The following PCDHGB4 variants were observed in gnomAD, a reference collection of about 807,000 sequenced individuals.
The protein encoded by PCDHGB4 is protocadherin gamma-B4.
PCDHGB4 carries 38 observed loss-of-function variants against 60.5 expected under a neutral mutation model. The observed-to-expected ratio is 0.63, with a 90% CI of 0.48 to 0.82. The LOEUF (loss-of-function observed/expected upper bound fraction) is 0.82, where lower values mean the gene tolerates loss of function less well. PCDHGB4 is among the 40% of genes least tolerant of loss of function. The pLI is 0.00. For missense variants in PCDHGB4, 1,109 were observed against 1,209.6 expected, an observed-to-expected ratio of 0.92 and a Z score of 1.23; for synonymous variants, 456 against 509.7, an observed-to-expected ratio of 0.89 and a Z score of 1.42.
chr5:141,389,519 C>T lies in PCDHGB4; in HGVS notation c.1635C>T (p.Ser545=). ...QGSPALSANV[S]LRVLVDDRND... ...CGCCAGCGCTCAGCGCGAACGTGAG[C>T]CTGCGCGTGTTAGTGGACGACCGCA... The change falls in exon 1 of 4, where the codon AGC becomes AGT. Residue 545 remains serine (S), a synonymous_variant. Transcript: ENST00000519479. The T allele has an allele frequency of 6.2e-7, 1 of 1,613,156 alleles. No homozygotes were observed. Among genetic ancestry groups the T allele is most frequent in the South Asian group, 1.1e-5 (1 of 91,060 alleles).
chr5:141,504,228 C>T lies in PCDHGB4; in HGVS notation c.2457-1165C>T, dbSNP rs114896014. Among the ~76,000 whole-genome samples, 193 of 152,312 alleles carry T rather than the reference C, an allele frequency of 1.3e-3. 1 individual carries two copies. The highest frequency in any genetic ancestry group is 2.1e-3 in the Admixed American group (32 of 15,304). ...AAAATTCCAAGTAGAGCTGAACCTT[C>T]TAAGAAGCAGAGAGTTCTTCTTATG... On this transcript the variant is annotated intron_variant, in intron 2 of 3. Coordinates refer to ENST00000519479, the MANE Select transcript of PCDHGB4 (RefSeq NM_003736.4).
At chr5:141,478,563 C>G (rs1484075735) in intron 1 of PCDHGB4, 16 of 1,596,154 alleles carry the variant, frequency 1.0e-5, no homozygotes, top group African/African-American at 1.3e-5. Context: ...TTTAGCAAGT[C>G]ATGCTTGACC....
At chr5:141,395,220 G>A (rs1331532806) in intron 1 of PCDHGB4, 1 of 1,611,732 alleles carries the variant, frequency 6.2e-7, no homozygotes, top group Non-Finnish European at 8.5e-7. Flanking sequence ...ATATAAGAAT[G>A]AAGCTGATCA....
rs1387036035 is a variant in PCDHGB4, at chr5:141,432,158, A to G, written c.2397+41877A>G. ...CGCTTATATCCCAGAGAACAATCCC[A>G]GAGGAGTTTCCCTCGTCTCTGTGAC... is the stretch of plus-strand genomic sequence containing the variant. On this transcript the variant is annotated intron_variant, in intron 1 of 3. Coordinates refer to ENST00000519479, the MANE Select transcript of PCDHGB4 (RefSeq NM_003736.4). The surrounding 1 kb of genome is among the most constrained non-coding windows in gnomAD (Gnocchi z 6.0). The G allele has an allele frequency of 6.2e-7, 1 of 1,613,932 alleles. No individual in the cohort carries two copies. Among genetic ancestry groups the G allele is most frequent in the Non-Finnish European group, 8.5e-7 (1 of 1,180,002 alleles).
At position 141,410,196 on chromosome 5, in the gene PCDHGB4, C is replaced by A. The variant is rs773310778; in HGVS notation, c.2397+19915C>A. 7.4e-6 allele frequency: 12 copies of A among 1,613,866 alleles called. No individual in the cohort carries two copies. In the South Asian group the frequency reaches 1.2e-4, roughly 16 times the overall value. On this transcript the variant is annotated intron_variant, in intron 1 of 3. Transcript: ENST00000519479. ...ACCGCCACGCTTCATCTGGTCTTCG[C>A]AGACAACTTGCAAGAGATACTGCCA... is the stretch of plus-strand genomic sequence containing the variant.
intron 1 of PCDHGB4, among the ~76,000 whole-genome samples, chr5:141,445,567 T>C (rs1465765772): frequency 6.6e-6 from 1 of 152,142 alleles, no homozygotes; most frequent in Admixed American, 6.5e-5. Context: ...AGAGAAAGCT[T>C]ATAGTAGGGA....
intron 1 of PCDHGB4, 33 bp from the exon 2 acceptor site, chr5:141,494,774 T>C (rs1462930792): frequency 6.2e-7 from 1 of 1,613,860 alleles, no homozygotes; most frequent in African/African-American, 1.3e-5. Flanking sequence ...TTCTCACGGG[T>C]ACTCAGCCCC....
rs1317150359 is a variant in PCDHGB4 at position 141,420,381 on chromosome 5, G to A, written c.2397+30100G>A. On this transcript the variant is annotated intron_variant, in intron 1 of 3. Transcript: ENST00000519479. ...TCTAGATAACTTCTTCATAGAGTTC[G>A]CAAAATATAGGTCAAATTTATGGTT... The A allele has an allele frequency of 1.1e-5, 14 of 1,298,362 alleles. No homozygotes were observed. In the Admixed American group the frequency reaches 1.3e-4, roughly 13 times the overall value. The allele number at this position is 1,298,362 out of a possible 1,614,324, so 80.4% of individuals were successfully genotyped here.
intron 1 of PCDHGB4, among the ~76,000 whole-genome samples, chr5:141,465,592 A>G (rs1485357197): frequency 6.6e-6 from 1 of 152,046 alleles, no homozygotes; most frequent in Non-Finnish European, 1.5e-5. Flanking sequence ...TAATAATCAG[A>G]TCTTATCACT....
intron 1 of PCDHGB4, among the ~76,000 whole-genome samples, chr5:141,443,156 A>G (rs1059029): frequency 0.29 from 44,047 of 151,812 alleles, 7,376 homozygotes; most frequent in African/African-American, 0.47. Flanking sequence ...ACTGCATTTT[A>G]TTTCCCTACC....
In PCDHGB4 at chr5:141,421,687, G is replaced by C. The variant is rs763146085; in HGVS notation, c.2397+31406G>C. On this transcript the variant is annotated intron_variant, in intron 1 of 3. Coordinates refer to ENST00000519479, the MANE Select transcript of PCDHGB4 (RefSeq NM_003736.4). ...GCACGCAATTCCTGGGGCGCGATTT[G>C]CTCTTCCTAATGCTAGGGATCCAGA... 1.3e-5 allele frequency: 21 copies of C among 1,613,788 alleles called. No individual in the cohort carries two copies. Among genetic ancestry groups the C allele is most frequent in the Non-Finnish European group, 1.8e-5 (21 of 1,179,860 alleles).
intron 1 of PCDHGB4, among the ~76,000 whole-genome samples, chr5:141,480,151 C>T (rs543997143): frequency 1.3e-5 from 2 of 152,162 alleles, no homozygotes; most frequent in African/African-American, 4.8e-5. Context: ...TTAGCCAGCT[C>T]CTAGCATTTT....
intron 1 of PCDHGB4, chr5:141,395,935 A>T (rs950567838): frequency 6.6e-6 from 1 of 152,118 alleles, no homozygotes; most frequent in Non-Finnish European, 1.5e-5. Context: ...TAGAATGTCC[A>T]TTGCTCCCCC....
intron 1 of PCDHGB4, among the ~76,000 whole-genome samples, chr5:141,456,729 C>T (rs1337183677): frequency 6.6e-6 from 1 of 152,158 alleles, no homozygotes; most frequent in Non-Finnish European, 1.5e-5. Context: ...CTTTGGGAGG[C>T]TGAGGCGGGA....
Position 141,389,886 on chromosome 5 carries a change from G to A in PCDHGB4, c.2002G>A (p.Glu668Lys). The A allele has an allele frequency of 6.2e-7, 1 of 1,614,078 alleles. No individual in the cohort carries two copies. The highest frequency in any genetic ancestry group is 8.5e-7 in the Non-Finnish European group (1 of 1,179,908). ...CCTGGTCTTCGCCGACAGCTTGCAG[G>A]AGGTGCTGCCGGATATCACTGACCG... Reference protein sequence around the residue: ...LHLVFADSLQEVLPDITDRPD... With the variant: ...LHLVFADSLQKVLPDITDRPD... Residue 668 changes from glutamate to lysine, a missense_variant, in exon 1 of 4, where the codon GAG becomes AAG. Physicochemically the swap from Glu to Lys is moderately conservative, Grantham distance 56. This residue lies in a region of PCDHGB4 where 1,068 missense variants were observed against 1,089.9 expected (regional missense o/e 0.98). Transcript: ENST00000519479.
At chr5:141,435,805 T>C (rs2097780946) in intron 1 of PCDHGB4, among the ~76,000 whole-genome samples, 1 of 152,178 alleles carries the variant, frequency 6.6e-6, no homozygotes, top group African/African-American at 2.4e-5. Flanking sequence ...GTCCCAATTA[T>C]TTTTTCTTTC....
chr5:141,467,162 C>T (rs765574629), intron 1 of PCDHGB4, among the ~76,000 whole-genome samples: 1 of 151,724 alleles, frequency 6.6e-6, no homozygotes, highest in Non-Finnish European at 1.5e-5. Flanking sequence ...AAGTGATTCT[C>T]ATCTCTCAGC....
intron 1 of PCDHGB4, among the ~76,000 whole-genome samples, chr5:141,465,335 T>C (rs1222292569): frequency 6.6e-6 from 1 of 152,186 alleles, no homozygotes; most frequent in African/African-American, 2.4e-5. Context: ...ATTTTTTATA[T>C]TGGTTACTGA....
Position 141,490,325 on chromosome 5 carries a change from G to A in PCDHGB4, c.2398-4482G>A. 1 of 1,614,236 alleles carries A rather than the reference G, an allele frequency of 6.2e-7. No individual in the cohort carries two copies. Among genetic ancestry groups the A allele is most frequent in the Non-Finnish European group, 8.5e-7 (1 of 1,180,038 alleles). On this transcript the variant is annotated intron_variant, in intron 1 of 3. Transcript: ENST00000519479. This position sits in a 1 kb window ranked among gnomAD's most constrained non-coding sequence, Gnocchi z 5.4. ...TCTTTGGCCAACCCTGTCCTAGAGA[G>A]CACACCAGTGGGCACAGTAGTGGGG...
Sources: gnomAD v4.1 joint callset for allele counts (sites outside exome capture counted in the v4.1 genomes callset) on GRCh38, gnomAD v4.1.1 for gene constraint, gnomAD v4.1.1 regional missense constraint, Gnocchi (gnomAD v3.1) non-coding constraint, MANE v1.5 for transcripts, NCBI Gene and HGNC (gene_info 2026-07-23, HGNC 2026-07-21) for gene names.